Variants in SPIDR observed in about 807,000 individuals in gnomAD.
The protein encoded by SPIDR is DNA repair-scaffolding protein.
SPIDR carries 93 observed loss-of-function variants against 104.6 expected under a neutral mutation model. The ratio of observed to expected loss-of-function variants is 0.89; its 90% CI spans 0.75 to 1.06. The LOEUF (loss-of-function observed/expected upper bound fraction) is 1.06. Among genes scored for constraint, SPIDR ranks in the 50% least tolerant of loss-of-function variants. The pLI is 0.00. For synonymous variants in SPIDR, 431 were observed against 416.9 expected (o/e 1.03, Z -0.41); for missense variants, 1,154 against 1,111.2 (o/e 1.04, Z -0.55).
intron 8 of SPIDR, among the ~76,000 whole-genome samples, chr8:47,471,366 A>C (rs1489196855): frequency 1.3e-5 from 2 of 151,684 alleles, no homozygotes; most frequent in Admixed American, 1.3e-4. Flanking sequence ...AAATGAGCAA[A>C]GGACTATAAT....
chr8:47,533,977 C>T (rs778557474), intron 8 of SPIDR, among the ~76,000 whole-genome samples: 10 of 152,312 alleles, frequency 6.6e-5, no homozygotes, highest in South Asian at 2.1e-4. Context: ...ATAATCCCCA[C>T]GTGTCAAGGG....
At chr8:47,603,088 C>G (rs2062493766) in intron 10 of SPIDR, among the ~76,000 whole-genome samples, 1 of 151,852 alleles carries the variant, frequency 6.6e-6, no homozygotes, top group Non-Finnish European at 1.5e-5. Context: ...CCAAACACAC[C>G]TTTTTTATAG....
intron 10 of SPIDR, among the ~76,000 whole-genome samples, chr8:47,627,233 T>C (rs1054016065): frequency 1.3e-5 from 2 of 152,040 alleles, no homozygotes; most frequent in African/African-American, 4.8e-5. Flanking sequence ...CTCTGGGGAC[T>C]GTTGTGGGGT....
intron 5 of SPIDR, among the ~76,000 whole-genome samples, chr8:47,331,914 C>G (rs187257482): frequency 1.5e-3 from 195 of 129,228 alleles, no homozygotes; most frequent in African/African-American, 4.9e-3. Flanking sequence ...GTGGCGTGAT[C>G]TCAGCTTATA....
At chr8:47,658,029 CAAAAAAA>C (rs34648437) in intron 10 of SPIDR, among the ~76,000 whole-genome samples, 1,953 of 76,136 alleles carry the variant, frequency 0.026, 38 homozygotes, top group African/African-American at 0.091. Flanking sequence ...GACCCTGTCT[CAAAAAAA>C]AAAAAAAAAA....
At chr8:47,338,496 C>T (rs1466530792) in intron 5 of SPIDR, among the ~76,000 whole-genome samples, 1 of 152,110 alleles carries the variant, frequency 6.6e-6, no homozygotes, top group African/African-American at 2.4e-5. Flanking sequence ...TCAATACTAA[C>T]ATGTCATGGG....
intron 10 of SPIDR, among the ~76,000 whole-genome samples, chr8:47,616,137 C>G (rs1369637201): frequency 1.3e-5 from 2 of 152,094 alleles, no homozygotes; most frequent in Non-Finnish European, 2.9e-5. Context: ...TTTACTTCTT[C>G]CTTTCCAATT....
chr8:47,595,016 A>G (rs2061490611), intron 8 of SPIDR, among the ~76,000 whole-genome samples: 1 of 151,964 alleles, frequency 6.6e-6, no homozygotes, highest in South Asian at 2.1e-4. Flanking sequence ...AAAAGAAAAG[A>G]AAAAGAAAAC....
In SPIDR at chr8:47,291,076, A is replaced by G. The variant is rs1251582985; in HGVS notation, c.300A>G (p.Thr100=). The G allele has an allele frequency of 6.2e-7, 1 of 1,613,242 alleles. No individual in the cohort carries two copies. The highest frequency in any genetic ancestry group is 2.2e-5 in the East Asian group (1 of 44,874). ...GCACCAGTGGGCTTACAGACATAAC[A>G]TGGAGCTCCAGTGGAAGTGATTTGT... ...SKSTSGLTDI[T]WSSSGSDLSD... is the part of the protein sequence containing the mutation. The change falls in exon 4 of 20, where the codon ACA becomes ACG. Residue 100 remains threonine (T), a synonymous_variant. Coordinates refer to ENST00000297423, the MANE Select transcript of SPIDR (RefSeq NM_001080394.4).
chr8:47,401,388 G>T (rs527743105), intron 6 of SPIDR, among the ~76,000 whole-genome samples: 2 of 152,190 alleles, frequency 1.3e-5, no homozygotes, highest in African/African-American at 2.4e-5. Flanking sequence ...ATGCCAAATT[G>T]TAAAGACCAT....
intron 8 of SPIDR, among the ~76,000 whole-genome samples, chr8:47,542,986 T>C (rs2088534857): frequency 6.6e-6 from 1 of 152,264 alleles, no homozygotes; most frequent in Non-Finnish European, 1.5e-5. Flanking sequence ...GATAATTTTC[T>C]GGAGATTCAT....
chr8:47,396,868 T>C (rs1246442492), intron 6 of SPIDR, among the ~76,000 whole-genome samples: 1 of 152,244 alleles, frequency 6.6e-6, no homozygotes. Flanking sequence ...TTCTAGGTGC[T>C]GTGGAGACAA....
At chr8:47,409,870 A>G (rs1367627669) in intron 7 of SPIDR, among the ~76,000 whole-genome samples, 2 of 152,178 alleles carry the variant, frequency 1.3e-5, no homozygotes, top group Non-Finnish European at 2.9e-5. Flanking sequence ...CGCTGCAAAA[A>G]TTTAAAAATT....
intron 5 of SPIDR, 140 bp downstream of exon 5, chr8:47,294,170 T>C (rs1367294962): frequency 2.9e-6 from 3 of 1,034,460 alleles, no homozygotes; most frequent in Admixed American, 3.0e-5. Flanking sequence ...TTTTGTTCTT[T>C]ACTCACTTAT....
chr8:47,687,725 T>A, intron 11 of SPIDR, among the ~76,000 whole-genome samples: 1 of 152,228 alleles, frequency 6.6e-6, no homozygotes, highest in East Asian at 1.9e-4. Context: ...TGAGAGTGTT[T>A]CCATGTTTTT....
chr8:47,599,027 A>C lies in SPIDR; in HGVS notation c.1375A>C (p.Thr459Pro), dbSNP rs768982077. 3 of 1,612,814 alleles carry C rather than the reference A, an allele frequency of 1.9e-6. No homozygotes were observed. Among genetic ancestry groups the C allele is most frequent in the Non-Finnish European group, 1.7e-6 (2 of 1,179,500 alleles). ...AGCAAAACAGCGCATCCCAACCAGC[A>C]CTCCCCTGAGGGATTCTCTCCTGGA... ...KEAKQRIPTSTPLRDSLLDVV... is the reference protein window; with the variant it reads ...KEAKQRIPTSPPLRDSLLDVV... The change falls in exon 10 of 20, where the codon ACT becomes CCT. Residue 459 changes from threonine (T) to proline (P), a missense_variant. Physicochemically the swap from Thr to Pro is conservative, Grantham distance 38 (BLOSUM62 -1). Coordinates refer to ENST00000297423, the MANE Select transcript of SPIDR (RefSeq NM_001080394.4).
intron 1 of SPIDR, among the ~76,000 whole-genome samples, chr8:47,276,015 C>A (rs2036352953): frequency 2.0e-5 from 3 of 152,202 alleles, no homozygotes; most frequent in African/African-American, 4.8e-5. Context: ...CGCCACCAGG[C>A]CTGGCTAATT....
At chr8:47,337,033 A>T (rs1243980447) in intron 5 of SPIDR, among the ~76,000 whole-genome samples, 1 of 152,068 alleles carries the variant, frequency 6.6e-6, no homozygotes, top group Admixed American at 6.5e-5. Flanking sequence ...GGATATTTTC[A>T]TGTGCTTATT....
chr8:47,407,759 T>A, intron 6 of SPIDR, 102 bp from the exon 7 acceptor site: 1 of 571,214 alleles, frequency 1.8e-6, no homozygotes. Context: ...TTTGCATGTT[T>A]TATCTGTTTG....
Sources: allele counts gnomAD v4.1 joint callset (sites outside exome capture counted in the v4.1 genomes callset), GRCh38; gene constraint gnomAD v4.1.1; transcripts MANE v1.5; gene names NCBI Gene and HGNC (gene_info 2026-07-23, HGNC 2026-07-21).